ZNF81: variants seen among roughly 807,000 people sequenced by gnomAD.
ZNF81 encodes the protein zinc finger protein 81, also known as zinc finger protein 81 (HFZ20).
Under a neutral mutation model 32.3 loss-of-function variants are expected in ZNF81, and 5 were observed. The observed-to-expected ratio is 0.15, with a 90% CI of 0.08 to 0.33. ZNF81 has a LOEUF of 0.33. Among genes scored for constraint, ZNF81 ranks in the 10% least tolerant of loss-of-function variants. ZNF81 has a pLI of 1.00. For synonymous variants in ZNF81, 163 were observed against 166.8 expected (o/e 0.98, Z 0.17); for missense variants, 379 against 479.8 (o/e 0.79, Z 1.96).
In ZNF81 at chrX:47,915,910, G is replaced by A. The variant is rs200890712; in HGVS notation, c.1264G>A (p.Ala422Thr). ...RHHKCSECGK[A>T]FTQKSTLRMH... ...TCACAAATGCAGTGAGTGTGGGAAA[G>A]CCTTTACCCAAAAATCAACACTCAG... Residue 422 changes from alanine (A) to threonine (T), a missense_variant, in exon 5 of 5, where the codon GCC becomes ACC. Physicochemically the swap from Ala to Thr is moderately conservative, Grantham distance 58 (BLOSUM62 0). Transcript: ENST00000338637. 111 of 1,208,341 alleles carry A rather than the reference G, an allele frequency of 9.2e-5. No individual in the cohort carries two copies. The highest frequency in any genetic ancestry group is 1.2e-4 in the Non-Finnish European group (110 of 894,581).
intron 4 of ZNF81, among the ~76,000 whole-genome samples, chrX:47,899,223 G>A (rs1159493318): frequency 2.7e-5 from 3 of 110,194 alleles, no homozygotes; most frequent in Admixed American, 9.7e-5. Flanking sequence ...GATATTAGCT[G>A]TAGGTTTTCT....
chrX:47,916,497 A>G lies in ZNF81; in HGVS notation c.1851A>G (p.Lys617=), dbSNP rs1439095541. ...EKPYICAECG[K]AFTDRSNFNK... is the part of the protein sequence containing the mutation. ...CATATATATGTGCAGAATGTGGGAAAGCCTTCACTGATAGGTCAAATTTCA... is the reference window on the plus strand; with the variant it reads ...CATATATATGTGCAGAATGTGGGAAGGCCTTCACTGATAGGTCAAATTTCA... The change falls in exon 5 of 5, where the codon AAA becomes AAG. Residue 617 remains lysine (K), a synonymous_variant. Coordinates refer to ENST00000338637, the MANE Select transcript of ZNF81 (RefSeq NM_007137.5). The G allele has an allele frequency of 1.3e-5, 16 of 1,209,108 alleles. No homozygotes were observed. Among genetic ancestry groups the G allele is most frequent in the Admixed American group, 8.8e-5 (4 of 45,664 alleles).
At chrX:47,906,860 T>C (rs1258856149) in intron 4 of ZNF81, among the ~76,000 whole-genome samples, 2 of 112,674 alleles carry the variant, frequency 1.8e-5, no homozygotes, top group African/African-American at 6.5e-5. Context: ...ATGCAATAGC[T>C]CATAGCACTT....
chrX:47,842,964 T>G lies in ZNF81; in HGVS notation c.-163-3141T>G, dbSNP rs1315425609. 8.0e-5 allele frequency among the ~76,000 whole-genome samples: 9 copies of G among 112,210 alleles called. No individual in the cohort carries two copies. In the Admixed American group the frequency reaches 8.5e-4, roughly 11 times the overall value. On this transcript the variant is annotated intron_variant, in intron 1 of 4. Transcript: ENST00000338637. The stretch of plus-strand genomic sequence containing the variant: ...TATATTAACTTTGTTAATTTGCATT[T>G]TACTAGGGAAGCACTTGTTTTATGG...
chrX:47,887,549 G>A (rs781997997), intron 2 of ZNF81, among the ~76,000 whole-genome samples: 5 of 111,511 alleles, frequency 4.5e-5, no homozygotes, highest in Admixed American at 3.8e-4. Context: ...TGACCATGAC[G>A]GAATTAAATT....
At chrX:47,847,951 G>A (rs1215533107) in intron 2 of ZNF81, among the ~76,000 whole-genome samples, 1 of 104,649 alleles carries the variant, frequency 9.6e-6, no homozygotes, top group Admixed American at 1.0e-4. Context: ...GTCTTGCTCT[G>A]TTGCCCAGGC....
rs2058750773 is a variant in ZNF81 at position 47,914,914 on chromosome X, C to G, written c.278-10C>G. The G allele has an allele frequency of 2.5e-6, 3 of 1,205,095 alleles. No homozygotes were observed. Among genetic ancestry groups the G allele is most frequent in the African/African-American group, 1.7e-5 (1 of 57,420 alleles). On this transcript the variant is annotated splice_polypyrimidine_tract_variant and intron_variant, in intron 4 of 4. Transcript: ENST00000338637. Reference sequence around the variant, plus strand: ...TTTGTGTCAATTTTACTTTTTCTTTCTCTTTTTAGATGGGAAATTTGGAAT... The same window carrying G: ...TTTGTGTCAATTTTACTTTTTCTTTGTCTTTTTAGATGGGAAATTTGGAAT...
At chrX:47,905,811 G>A (rs2058719422) in intron 4 of ZNF81, among the ~76,000 whole-genome samples, 1 of 112,424 alleles carries the variant, frequency 8.9e-6, no homozygotes, top group Non-Finnish European at 1.9e-5. Flanking sequence ...TTACAGCTGC[G>A]AAGCAATGAC....
intron 3 of ZNF81, among the ~76,000 whole-genome samples, chrX:47,891,448 A>G (rs782453151): frequency 1.1e-4 from 12 of 112,050 alleles, no homozygotes; most frequent in African/African-American, 1.6e-4. Context: ...GATTTCCGCA[A>G]TCCCTCCAGG....
chrX:47,893,583 A>G (rs1218444246), intron 3 of ZNF81, among the ~76,000 whole-genome samples: 4 of 110,156 alleles, frequency 3.6e-5, no homozygotes, highest in Non-Finnish European at 7.6e-5. Flanking sequence ...TCCTTACAGA[A>G]CCCAGCCTCT....
In ZNF81 at chrX:47,915,211, C is replaced by A; in HGVS notation, c.565C>A (p.Pro189Thr). 7 of 1,206,862 alleles carry A rather than the reference C, an allele frequency of 5.8e-6. No individual in the cohort carries two copies. Among genetic ancestry groups the A allele is most frequent in the Non-Finnish European group, 6.7e-6 (6 of 893,108 alleles). ...AAATCTCATTCTTTCACAGAAAAGA[C>A]CCCATAAACGTGATTCATTTGGGAA... Reference protein sequence around the residue: ...SPNLILSQKRPHKRDSFGKSF... With the variant: ...SPNLILSQKRTHKRDSFGKSF... The change falls in exon 5 of 5, where the codon CCC becomes ACC. Residue 189 changes from proline (P) to threonine (T), a missense_variant. This residue lies in a region of ZNF81 where 277 missense variants were observed against 306.6 expected (regional missense o/e 0.90). Transcript: ENST00000338637.
At chrX:47,908,803 T>C (rs189011018) in intron 4 of ZNF81, among the ~76,000 whole-genome samples, 2 of 111,861 alleles carry the variant, frequency 1.8e-5, no homozygotes, top group East Asian at 5.6e-4. Flanking sequence ...TATGATTCAA[T>C]TTACATAAAG....
chrX:47,922,891 C>T lies in ZNF81; in HGVS notation c.*6259C>T, dbSNP rs1486004943. Reference sequence around the variant, plus strand: ...TTTGAGAGCTTCAGGTGTTATTTGGCTTATAGATGCATTATTCCTGTCAGA... The same window carrying T: ...TTTGAGAGCTTCAGGTGTTATTTGGTTTATAGATGCATTATTCCTGTCAGA... On this transcript the variant is annotated 3_prime_UTR_variant, in exon 5 of 5. Coordinates refer to ENST00000338637, the MANE Select transcript of ZNF81 (RefSeq NM_007137.5). Among the ~76,000 whole-genome samples, 3 of 111,113 alleles carry T rather than the reference C, an allele frequency of 2.7e-5. No homozygotes were observed. The highest frequency in any genetic ancestry group is 9.8e-5 in the African/African-American group (3 of 30,558).
At chrX:47,884,776 C>T (rs781904429) in intron 2 of ZNF81, among the ~76,000 whole-genome samples, 1 of 111,411 alleles carries the variant, frequency 9.0e-6, no homozygotes, top group South Asian at 3.7e-4. Context: ...ATGGTGTGAA[C>T]CCAGTGAGAT....
intron 4 of ZNF81, among the ~76,000 whole-genome samples, chrX:47,898,233 C>T (rs1286699512): frequency 9.0e-6 from 1 of 110,892 alleles, no homozygotes. Flanking sequence ...GATAGTGGCT[C>T]AACCTGTGAG....
At chrX:47,850,450 T>G (rs1556881027) in intron 2 of ZNF81, among the ~76,000 whole-genome samples, 1 of 110,161 alleles carries the variant, frequency 9.1e-6, no homozygotes, top group Non-Finnish European at 1.9e-5. Context: ...GAATTTGTTG[T>G]GTTTATTTCA....
In ZNF81 at chrX:47,887,766, A is replaced by G. The variant is rs139213596; in HGVS notation, c.55-233A>G. On this transcript the variant is annotated intron_variant, in intron 2 of 4. Transcript: ENST00000338637. ...AGGTCAAATCCTTACTAAAAATTAT[A>G]ATTTTTAATAAATGGAAGAGTAAAT... Among the ~76,000 whole-genome samples, 709 of 111,892 alleles carry G rather than the reference A, an allele frequency of 6.3e-3. 6 individuals carry two copies. The highest frequency in any genetic ancestry group is 0.022 in the African/African-American group (676 of 30,833).
intron 2 of ZNF81, among the ~76,000 whole-genome samples, chrX:47,873,323 A>G (rs2058587262): frequency 8.9e-6 from 1 of 112,202 alleles, no homozygotes; most frequent in African/African-American, 3.2e-5. Context: ...TAGCACCAGT[A>G]TCTACCAGAA....
At position 47,850,932 on chromosome X, in the gene ZNF81, CACAA is replaced by C. The variant is rs1556881151; in HGVS notation, c.54+4612_54+4615del. 1.9e-3 allele frequency among the ~76,000 whole-genome samples: 89 copies of C among 46,110 alleles called. 4 individuals are homozygous for C. The highest frequency in any genetic ancestry group is 4.5e-3 in the African/African-American group (82 of 18,239). The allele number at this position is 46,110 out of a possible 115,157, so 40.0% of individuals were successfully genotyped here. A position where few individuals can be genotyped will look rare whatever the true frequency, so the allele number is the denominator to read the frequency against. Reference sequence around the variant, plus strand: ...ACACACACACACACACACACACACACACAACCCAACACCCCTATATCCATTTTTA... The same window carrying C: ...ACACACACACACACACACACACACACCCCAACACCCCTATATCCATTTTTA... On this transcript the variant is annotated intron_variant, in intron 2 of 4. Coordinates refer to ENST00000338637, the MANE Select transcript of ZNF81 (RefSeq NM_007137.5).
Sources: allele counts gnomAD v4.1 joint callset (sites outside exome capture counted in the v4.1 genomes callset), GRCh38; gene constraint gnomAD v4.1.1; regional missense constraint gnomAD v4.1.1; transcripts MANE v1.5; gene names NCBI Gene and HGNC (gene_info 2026-07-23, HGNC 2026-07-21).